The following MAN1C1 variants were observed in gnomAD, a reference collection of about 807,000 sequenced individuals.
MAN1C1 encodes the protein mannosidase alpha class 1C member 1.
MAN1C1 carries 49 observed loss-of-function variants against 71.5 expected under a neutral mutation model. The ratio of observed to expected loss-of-function variants is 0.69; its 90% CI spans 0.54 to 0.87. MAN1C1 has a LOEUF of 0.87. Among genes scored for constraint, MAN1C1 ranks in the 40% least tolerant of loss-of-function variants. The pLI is 0.00. For synonymous variants in MAN1C1, 352 were observed against 343.7 expected (o/e 1.02, Z -0.27); for missense variants, 743 against 835.0 (o/e 0.89, Z 1.36).
chr1:25,696,888 C>T (rs527321089), intron 2 of MAN1C1, among the ~76,000 whole-genome samples: 4 of 152,202 alleles, frequency 2.6e-5, no homozygotes, highest in Non-Finnish European at 4.4e-5. Context: ...CTCAAGGGGT[C>T]CTCCTGCCTC....
chr1:25,666,217 T>C (rs1353101262), intron 1 of MAN1C1, among the ~76,000 whole-genome samples: 2 of 152,200 alleles, frequency 1.3e-5, no homozygotes, highest in Non-Finnish European at 2.9e-5. Context: ...GTTTAGACTT[T>C]TAACGGTTTA....
chr1:25,661,036 A>G (rs1351368457), intron 1 of MAN1C1, among the ~76,000 whole-genome samples: 1 of 152,132 alleles, frequency 6.6e-6, no homozygotes, highest in East Asian at 1.9e-4. Context: ...TTACCATCCA[A>G]TTCAGCAAAG....
chr1:25,755,914 A>G (rs1339818249), intron 5 of MAN1C1, among the ~76,000 whole-genome samples: 2 of 152,360 alleles, frequency 1.3e-5, no homozygotes, highest in African/African-American at 4.8e-5. Context: ...AGGGCTGAGC[A>G]GAGGCCCTCC....
At chr1:25,739,500 G>C (rs1298211049) in intron 2 of MAN1C1, among the ~76,000 whole-genome samples, 2 of 152,148 alleles carry the variant, frequency 1.3e-5, no homozygotes, top group African/African-American at 4.8e-5. Flanking sequence ...GTTCTTCCTG[G>C]AGTTTGTGTT....
At chr1:25,641,076 T>C (rs773606181) in intron 1 of MAN1C1, among the ~76,000 whole-genome samples, 4 of 152,192 alleles carry the variant, frequency 2.6e-5, no homozygotes, top group Non-Finnish European at 4.4e-5. Context: ...TAGCCTGTAG[T>C]CTTTTAAATG....
At chr1:25,742,131 G>A (rs2047070911) in intron 2 of MAN1C1, among the ~76,000 whole-genome samples, 1 of 152,216 alleles carries the variant, frequency 6.6e-6, no homozygotes, top group South Asian at 2.1e-4. Flanking sequence ...GGTAGACCTT[G>A]AAGAACATGT....
chr1:25,719,298 C>T (rs2046727724), intron 2 of MAN1C1, among the ~76,000 whole-genome samples: 1 of 149,954 alleles, frequency 6.7e-6, no homozygotes, highest in South Asian at 2.1e-4. Flanking sequence ...GTCTCAAACT[C>T]CTGAACTCAG....
chr1:25,716,135 C>G (rs2046676641), intron 2 of MAN1C1, among the ~76,000 whole-genome samples: 1 of 152,216 alleles, frequency 6.6e-6, no homozygotes, highest in Non-Finnish European at 1.5e-5. Flanking sequence ...GGCCAGAACT[C>G]AGTCATATGC....
At chr1:25,633,906 A>C (rs2045421380) in intron 1 of MAN1C1, among the ~76,000 whole-genome samples, 1 of 152,146 alleles carries the variant, frequency 6.6e-6, no homozygotes, top group Non-Finnish European at 1.5e-5. Context: ...GTTTTGGTGC[A>C]TATCAAGCTT....
intron 2 of MAN1C1, among the ~76,000 whole-genome samples, chr1:25,745,612 C>T (rs72875684): frequency 0.023 from 3,545 of 152,296 alleles, 131 homozygotes; most frequent in African/African-American, 0.08. Context: ...GCGTGGATGA[C>T]TGCATGGTAT....
intron 2 of MAN1C1, among the ~76,000 whole-genome samples, chr1:25,722,905 T>G (rs1316377780): frequency 6.6e-6 from 1 of 152,228 alleles, no homozygotes; most frequent in Non-Finnish European, 1.5e-5. Flanking sequence ...CTAGTCTGGT[T>G]CTGCATAGAA....
chr1:25,623,047 A>G (rs886993171), intron 1 of MAN1C1, among the ~76,000 whole-genome samples: 2 of 152,188 alleles, frequency 1.3e-5, no homozygotes, highest in African/African-American at 4.8e-5. Flanking sequence ...AATCCATTCA[A>G]GATCCTTTCC....
chr1:25,713,553 GCT>G (rs2046641246), intron 2 of MAN1C1, among the ~76,000 whole-genome samples: 1 of 152,220 alleles, frequency 6.6e-6, no homozygotes, highest in South Asian at 2.1e-4. Context: ...CTTGAAAGCA[GCT>G]CTCTGGAGGC....
Position 25,782,463 on chromosome 1 carries a change from C to G in MAN1C1, c.1651-122C>G. The G allele has an allele frequency of 1.6e-6, 1 of 640,440 alleles. No homozygotes were observed. Among genetic ancestry groups the G allele is most frequent in the South Asian group, 1.9e-5 (1 of 52,548 alleles). 39.7% of individuals were successfully genotyped at this position (640,440 alleles called of 1,614,324 possible). The stretch of plus-strand genomic sequence containing the variant: ...TCCCACAAATGCCAGGAGTCCCCAG[C>G]CAAGGGGTGGGGGTGCTGTCTGCTT... On this transcript the variant is annotated intron_variant, in intron 10 of 11. Transcript: ENST00000374332. This position sits in a 1 kb window ranked among gnomAD's most constrained non-coding sequence, Gnocchi z 4.4.
chr1:25,731,550 A>G (rs1297827244), intron 2 of MAN1C1, among the ~76,000 whole-genome samples: 1 of 152,214 alleles, frequency 6.6e-6, no homozygotes, highest in Non-Finnish European at 1.5e-5. Context: ...AGCTAGTAAT[A>G]GGACAATTAT....
chr1:25,694,767 A>G (rs1234666951), intron 2 of MAN1C1, among the ~76,000 whole-genome samples: 1 of 152,216 alleles, frequency 6.6e-6, no homozygotes, highest in African/African-American at 2.4e-5. Context: ...CCAGATAGAT[A>G]GTTTGTGAAA....
At chr1:25,767,469 C>G (rs1429479236) in intron 7 of MAN1C1, among the ~76,000 whole-genome samples, 1 of 136,604 alleles carries the variant, frequency 7.3e-6, no homozygotes, top group Non-Finnish European at 1.6e-5. Flanking sequence ...GACCCACACA[C>G]CCACACTCCC....
At chr1:25,772,829 C>T (rs1338961129) in intron 8 of MAN1C1, among the ~76,000 whole-genome samples, 2 of 152,204 alleles carry the variant, frequency 1.3e-5, no homozygotes, top group Admixed American at 1.3e-4. Flanking sequence ...GCTCTGTGCT[C>T]TCTGGGCCCT....
rs539892419 is a variant in MAN1C1, at chr1:25,645,674, A to G, written c.540+27337A>G. Reference sequence around the variant, plus strand: ...TGAACGGTAGCATTCACTTGAAACCAAGCCCCGACCATTGAAGGGAGAGTC... The same window carrying G: ...TGAACGGTAGCATTCACTTGAAACCGAGCCCCGACCATTGAAGGGAGAGTC... On this transcript the variant is annotated intron_variant, in intron 1 of 11. Transcript: ENST00000374332. The G allele has an allele frequency of 2.6e-5, 4 of 152,318 alleles. No individual in the cohort carries two copies. The East Asian group carries it at 7.7e-4, about 29-fold the overall frequency. 9.4% of individuals were successfully genotyped at this position (152,318 alleles called of 1,614,324 possible).
Sources: allele counts gnomAD v4.1 joint callset (sites outside exome capture counted in the v4.1 genomes callset), GRCh38; gene constraint gnomAD v4.1.1; non-coding constraint Gnocchi (gnomAD v3.1); transcripts MANE v1.5; gene names NCBI Gene and HGNC (gene_info 2026-07-23, HGNC 2026-07-21).